Variants in DOCK9 observed in about 807,000 individuals in gnomAD.
DOCK9 encodes dedicator of cytokinesis 9, also known as dedicator of cytokinesis protein 9.
Under a neutral mutation model 263.3 loss-of-function variants are expected in DOCK9, and 89 were observed. The observed-to-expected ratio is 0.34, with a 90% CI of 0.28 to 0.40. The LOEUF (loss-of-function observed/expected upper bound fraction) is 0.40, where lower values mean the gene tolerates loss of function less well. DOCK9 is among the 10% of genes least tolerant of loss of function. The pLI, the probability that DOCK9 is intolerant of heterozygous loss-of-function variation, is 1.00. For synonymous variants in DOCK9, 976 were observed against 973.1 expected, an observed-to-expected ratio of 1.00 and a Z score of -0.06; for missense variants, 2,140 against 2,603.4, an observed-to-expected ratio of 0.82 and a Z score of 3.87.
chr13:98,950,377 G>T (rs2057270989), intron 2 of DOCK9: 1 of 936,676 alleles, frequency 1.1e-6, no homozygotes, highest in Non-Finnish European at 1.7e-6. Context: ...GGCTTTGAGG[G>T]CTTGATAAGC....
At chr13:98,805,268 T>C in intron 48 of DOCK9, 59 bp from the exon 49 acceptor site, 2 of 1,413,630 alleles carry the variant, frequency 1.4e-6, no homozygotes, top group Non-Finnish European at 1.9e-6. Flanking sequence ...ACTCAGTTCT[T>C]ACCTACGTGG....
chr13:98,874,718 C>T (rs2094284505), intron 27 of DOCK9, among the ~76,000 whole-genome samples: 1 of 152,170 alleles, frequency 6.6e-6, no homozygotes. Context: ...TGAATCTGTT[C>T]CACAGGCTAT....
In DOCK9 at chr13:98,915,755, G is replaced by A. The variant is rs2050794363; in HGVS notation, c.718-252C>T. On this transcript the variant is annotated intron_variant, in intron 7 of 52. Coordinates refer to ENST00000682017, the MANE Select transcript of DOCK9 (RefSeq NM_001366683.2). Reference sequence around the variant, plus strand: ...GCTTTACATACTCATCTGATTCACTGTGTGTCCCTGCAGTGGAATGAAACC... The same window carrying A: ...GCTTTACATACTCATCTGATTCACTATGTGTCCCTGCAGTGGAATGAAACC... 3.3e-5 allele frequency among the ~76,000 whole-genome samples: 5 copies of A among 150,356 alleles called. No homozygotes were observed. The Admixed American group carries it at 3.4e-4, about 10-fold the overall frequency.
chr13:99,048,344 C>T (rs904472346), intron 1 of DOCK9, among the ~76,000 whole-genome samples: 2 of 152,208 alleles, frequency 1.3e-5, no homozygotes, highest in Non-Finnish European at 2.9e-5. Flanking sequence ...AGTTACCATT[C>T]CCCTCTGCTA....
chr13:98,857,480 G>A (rs1230726738), intron 33 of DOCK9: 3 of 152,168 alleles, frequency 2.0e-5, no homozygotes, highest in Admixed American at 6.5e-5. Flanking sequence ...TAGTAGAGAC[G>A]GGTTTTCACC....
chr13:98,960,980 G>A (rs1595670612), intron 1 of DOCK9, among the ~76,000 whole-genome samples: 1 of 152,190 alleles, frequency 6.6e-6, no homozygotes, highest in African/African-American at 2.4e-5. Flanking sequence ...TGTATACACA[G>A]CTTTGAGGGG....
chr13:98,828,293 C>T (rs2092624331), intron 43 of DOCK9, among the ~76,000 whole-genome samples: 1 of 152,210 alleles, frequency 6.6e-6, no homozygotes, highest in African/African-American at 2.4e-5. Flanking sequence ...CCATGTAAAA[C>T]TAATTCACAG....
chr13:98,848,978 T>C (rs1171616566), intron 36 of DOCK9, among the ~76,000 whole-genome samples: 3 of 152,190 alleles, frequency 2.0e-5, no homozygotes, highest in Non-Finnish European at 4.4e-5. Context: ...GAAAACATGT[T>C]CAAGACCATG....
chr13:99,013,277 TTTG>T (rs563336883), intron 1 of DOCK9, among the ~76,000 whole-genome samples: 2 of 151,936 alleles, frequency 1.3e-5, no homozygotes, highest in Non-Finnish European at 2.9e-5. Context: ...GGCTGATTAT[TTTG>T]TTGTTGTTGT....
At chr13:98,997,148 G>T (rs970227019) in intron 1 of DOCK9, among the ~76,000 whole-genome samples, 1 of 152,204 alleles carries the variant, frequency 6.6e-6, no homozygotes. Context: ...CACTCACAGC[G>T]CACTTACCCT....
At position 98,920,943 on chromosome 13, in the gene DOCK9, T is replaced by C; in HGVS notation, c.717+11A>G. On this transcript the variant is annotated intron_variant, in intron 7 of 52. Coordinates refer to ENST00000682017, the MANE Select transcript of DOCK9 (RefSeq NM_001366683.2). ...AAGAAAACATAATGGTAAAACTCTT[T>C]TCATATTTACCTGAACGACACCCAT... The C allele has an allele frequency of 1.3e-6, 2 of 1,586,382 alleles. No homozygotes were observed. Among genetic ancestry groups the C allele is most frequent in the Non-Finnish European group, 1.7e-6 (2 of 1,167,734 alleles).
At chr13:99,041,292 TG>T (rs1342997758) in intron 1 of DOCK9, among the ~76,000 whole-genome samples, 4 of 152,130 alleles carry the variant, frequency 2.6e-5, no homozygotes, top group South Asian at 4.1e-4. Flanking sequence ...AAGACCAGCC[TG>T]GGCAACATAG....
intron 2 of DOCK9, among the ~76,000 whole-genome samples, chr13:98,944,201 C>A (rs1271043453): frequency 1.3e-5 from 2 of 152,004 alleles, no homozygotes; most frequent in African/African-American, 4.8e-5. Context: ...TCATCAATAT[C>A]CTTCATTCAG....
intron 43 of DOCK9, among the ~76,000 whole-genome samples, chr13:98,828,421 C>T (rs1383551311): frequency 3.9e-5 from 6 of 152,112 alleles, no homozygotes; most frequent in Non-Finnish European, 7.4e-5. Context: ...TTAGTTATTC[C>T]TTTTTATTAT....
Position 98,845,907 on chromosome 13 carries a change from C to G in DOCK9, c.4198+17G>C. ...ATGAGATGGCTGGCTGTTACGATGG[C>G]ATGTCATGGGACTTACTGTGGTTAA... On this transcript the variant is annotated intron_variant, in intron 38 of 52. Coordinates refer to ENST00000682017, the MANE Select transcript of DOCK9 (RefSeq NM_001366683.2). 6.2e-7 allele frequency: 1 copy of G among 1,612,168 alleles called. No homozygotes were observed. Among genetic ancestry groups the G allele is most frequent in the Non-Finnish European group, 8.5e-7 (1 of 1,179,116 alleles).
At chr13:98,956,000 C>A (rs1182367452) in intron 1 of DOCK9, among the ~76,000 whole-genome samples, 1 of 152,214 alleles carries the variant, frequency 6.6e-6, no homozygotes, top group Non-Finnish European at 1.5e-5. Context: ...AGACAAGGGG[C>A]TCCAAGACGC....
chr13:99,030,147 C>T (rs1172393271), intron 1 of DOCK9, among the ~76,000 whole-genome samples: 1 of 152,140 alleles, frequency 6.6e-6, no homozygotes, highest in Non-Finnish European at 1.5e-5. Flanking sequence ...AGACTTCTTT[C>T]AAGAGTAATT....
chr13:98,860,492 C>A lies in DOCK9; in HGVS notation c.3610G>T (p.Ala1204Ser). The change falls in exon 33 of 53, where the codon GCT (alanine) becomes TCT (serine). Residue 1204 changes from alanine (A) to serine (S), a missense_variant. Ala to Ser is a moderately conservative substitution (Grantham distance 99). Coordinates refer to ENST00000682017, the MANE Select transcript of DOCK9 (RefSeq NM_001366683.2). ...TVKDESLALP[A>S]VNPLVTPQKG... The stretch of plus-strand genomic sequence containing the variant: ...TGCGGCGTCACCAGCGGATTCACAG[C>A]TGGTAGAGCCAGGGATTCATCCTTC... 18 of 1,578,196 alleles carry A rather than the reference C, an allele frequency of 1.1e-5. No individual in the cohort carries two copies. Among genetic ancestry groups the A allele is most frequent in the Non-Finnish European group, 1.5e-5 (17 of 1,160,566 alleles).
chr13:99,003,403 G>A (rs1041093), intron 1 of DOCK9, among the ~76,000 whole-genome samples: 1 of 151,940 alleles, frequency 6.6e-6, no homozygotes, highest in Non-Finnish European at 1.5e-5. Flanking sequence ...TTCTGAATAC[G>A]CTCACCAGGA....
Sources: gnomAD v4.1 joint callset for allele counts (sites outside exome capture counted in the v4.1 genomes callset) on GRCh38, gnomAD v4.1.1 for gene constraint, MANE v1.5 for transcripts, NCBI Gene and HGNC (gene_info 2026-07-23, HGNC 2026-07-21) for gene names.